Variants in CEP128 observed in about 807,000 individuals in gnomAD.
The protein encoded by CEP128 is centrosomal protein 128kDa.
In CEP128, 132 loss-of-function variants were observed where a neutral mutation model predicts 156.7. That is an observed-to-expected ratio of 0.84 (90% CI 0.73 to 0.97). The LOEUF is 0.97. CEP128 is among the 50% of genes least tolerant of loss of function. The probability of loss-of-function intolerance (pLI) is 0.00; values close to 1 mark genes in which losing one functional copy is unlikely to be tolerated. For synonymous variants in CEP128, 469 were observed against 448.9 expected (o/e 1.04, Z -0.57); for missense variants, 1,252 against 1,281.9 (o/e 0.98, Z 0.36).
At chr14:80,802,653 G>GT (rs1020691899) in intron 13 of CEP128, among the ~76,000 whole-genome samples, 145 of 150,228 alleles carry the variant, frequency 9.7e-4, no homozygotes, top group African/African-American at 2.9e-3. Flanking sequence ...CATGTATCCC[G>GT]TTTTTTTTTA....
At chr14:80,680,064 G>C (rs1267285511) in intron 19 of CEP128, among the ~76,000 whole-genome samples, 2 of 152,188 alleles carry the variant, frequency 1.3e-5, no homozygotes, top group Non-Finnish European at 2.9e-5. Context: ...CCAGAGATTG[G>C]AGTGCCTGCT....
At chr14:80,679,831 C>T (rs1896242621) in intron 19 of CEP128, among the ~76,000 whole-genome samples, 1 of 152,162 alleles carries the variant, frequency 6.6e-6, no homozygotes, top group African/African-American at 2.4e-5. Context: ...TTTTGCAGCT[C>T]AGGTGGGCAA....
At chr14:80,911,839 C>G (rs1405767920) in intron 4 of CEP128, among the ~76,000 whole-genome samples, 2 of 152,138 alleles carry the variant, frequency 1.3e-5, no homozygotes, top group South Asian at 2.1e-4. Flanking sequence ...TCTGGAGAAG[C>G]TATTTTAAAG....
chr14:80,495,221 CA>C (rs1482732309), downstream of CEP128, among the ~76,000 whole-genome samples: 1 of 152,166 alleles, frequency 6.6e-6, no homozygotes, highest in Non-Finnish European at 1.5e-5. Context: ...GCTACCCTGC[CA>C]AAGGGGTGAG....
chr14:80,664,518 T>C (rs113133734), intron 19 of CEP128, among the ~76,000 whole-genome samples: 3 of 152,288 alleles, frequency 2.0e-5, no homozygotes, highest in African/African-American at 7.2e-5. Flanking sequence ...GTATTAATTA[T>C]TGACCACATA....
At chr14:80,634,849 C>G (rs1023585076) in intron 19 of CEP128, among the ~76,000 whole-genome samples, 4 of 152,172 alleles carry the variant, frequency 2.6e-5, no homozygotes, top group Admixed American at 6.5e-5. Context: ...CTGGTATATT[C>G]CCAACACAGA....
At chr14:80,613,248 T>C (rs987388193) in intron 19 of CEP128, among the ~76,000 whole-genome samples, 1 of 149,222 alleles carries the variant, frequency 6.7e-6, no homozygotes, top group African/African-American at 2.5e-5. Flanking sequence ...CTAGGACAAA[T>C]ATACAACAAC....
intron 18 of CEP128, among the ~76,000 whole-genome samples, chr14:80,751,102 G>C (rs939582841): frequency 6.6e-6 from 1 of 152,108 alleles, no homozygotes; most frequent in Non-Finnish European, 1.5e-5. Context: ...CCTTGATCTT[G>C]AACTTACAGC....
chr14:80,622,403 G>A (rs955250825), intron 19 of CEP128, among the ~76,000 whole-genome samples: 10 of 150,416 alleles, frequency 6.6e-5, no homozygotes, highest in Non-Finnish European at 1.2e-4. Flanking sequence ...CATGGGCAAG[G>A]ACTTCATGTC....
At chr14:80,540,834 G>C (rs776303600) in intron 21 of CEP128, among the ~76,000 whole-genome samples, 17 of 152,046 alleles carry the variant, frequency 1.1e-4, no homozygotes, top group Non-Finnish European at 1.9e-4. Flanking sequence ...ATAGAGGTCT[G>C]TGAAAAATTT....
At chr14:80,895,867 A>G in intron 7 of CEP128, 77 bp from the exon 8 acceptor site, 1 of 1,000,106 alleles carries the variant, frequency 1.0e-6, no homozygotes, top group Non-Finnish European at 1.4e-6. Context: ...GTATAACATG[A>G]TAATTATGTT....
rs1234366441 is a variant in CEP128 at position 80,599,363 on chromosome 14, C to T, written c.2807-18940G>A. On this transcript the variant is annotated intron_variant, in intron 19 of 24. Transcript: ENST00000555265. ...TCTCGGCTCACCGCAAGCTCTGCCT[C>T]CCAGGTTCACGCCATTCTCCTGCCT... Among the ~76,000 whole-genome samples, 4 of 150,778 alleles carry T rather than the reference C, an allele frequency of 2.7e-5. No homozygotes were observed. The East Asian group carries it at 7.9e-4, about 30-fold the overall frequency.
chr14:80,735,687 C>T (rs956289204), intron 19 of CEP128, among the ~76,000 whole-genome samples: 9 of 152,084 alleles, frequency 5.9e-5, no homozygotes, highest in Non-Finnish European at 8.8e-5. Flanking sequence ...CAGTTCTGTC[C>T]GTTAGAAGTT....
intron 21 of CEP128, among the ~76,000 whole-genome samples, chr14:80,545,454 T>C (rs1168776742): frequency 6.6e-6 from 1 of 152,234 alleles, no homozygotes; most frequent in Admixed American, 6.5e-5. Flanking sequence ...ACTGTTTATA[T>C]AGTTTCCAAA....
chr14:80,522,579 C>T (rs1442988558), intron 23 of CEP128, among the ~76,000 whole-genome samples: 1 of 152,162 alleles, frequency 6.6e-6, no homozygotes, highest in Non-Finnish European at 1.5e-5. Flanking sequence ...ATAAACATGC[C>T]TTCTGCAATT....
At chr14:80,894,656 T>C in intron 8 of CEP128, 1 of 429,206 alleles carries the variant, frequency 2.3e-6, no homozygotes, top group Non-Finnish European at 4.6e-6. Context: ...ATCTTCACCT[T>C]TCCAAGGCTC....
intron 20 of CEP128, among the ~76,000 whole-genome samples, chr14:80,570,274 C>T (rs760164493): frequency 1.6e-4 from 25 of 152,168 alleles, no homozygotes; most frequent in Admixed American, 7.2e-4. Context: ...CGCATCACCA[C>T]GCCCGGCTAA....
At chr14:80,808,126 G>C in intron 13 of CEP128, among the ~76,000 whole-genome samples, 1 of 152,220 alleles carries the variant, frequency 6.6e-6, no homozygotes, top group East Asian at 1.9e-4. Flanking sequence ...CACAAGCAGA[G>C]AGTGAGATCC....
chr14:80,622,786 A>G (rs557116399), intron 19 of CEP128, among the ~76,000 whole-genome samples: 3,844 of 149,766 alleles, frequency 0.026, 141 homozygotes, highest in African/African-American at 0.09. Flanking sequence ...TTAGAATGGC[A>G]ATCATTAAAA....
Sources: gnomAD v4.1 joint callset for allele counts (sites outside exome capture counted in the v4.1 genomes callset) on GRCh38, gnomAD v4.1.1 for gene constraint, MANE v1.5 for transcripts, NCBI Gene and HGNC (gene_info 2026-07-23, HGNC 2026-07-21) for gene names.